MLLT3: variants seen among roughly 807,000 people sequenced by gnomAD.
The protein encoded by MLLT3 is MLLT3 super elongation complex subunit, also known as protein AF-9.
Under a neutral mutation model 53.2 loss-of-function variants are expected in MLLT3, and 4 were observed. The ratio of observed to expected loss-of-function variants is 0.08; its 90% CI spans 0.04 to 0.17. The LOEUF (loss-of-function observed/expected upper bound fraction) is 0.17. Among genes scored for constraint, MLLT3 ranks in the 10% least tolerant of loss-of-function variants. MLLT3 has a pLI of 1.00. For synonymous variants in MLLT3, 283 were observed against 230.6 expected (o/e 1.23, Z -2.06); for missense variants, 569 against 684.0 (o/e 0.83, Z 1.87).
chr9:20,499,075 T>C (rs1329921803), intron 2 of MLLT3, among the ~76,000 whole-genome samples: 1 of 152,202 alleles, frequency 6.6e-6, no homozygotes, highest in Non-Finnish European at 1.5e-5. Flanking sequence ...CTGGCAATCT[T>C]TGAAATGCAT....
chr9:20,449,727 T>C (rs546065468), intron 3 of MLLT3, among the ~76,000 whole-genome samples: 2 of 152,190 alleles, frequency 1.3e-5, no homozygotes, highest in African/African-American at 4.8e-5. Context: ...ATTTCCTCAG[T>C]ACCCCTTCAC....
chr9:20,600,601 T>G (rs553239185), intron 2 of MLLT3, among the ~76,000 whole-genome samples: 2 of 152,354 alleles, frequency 1.3e-5, no homozygotes, highest in East Asian at 3.9e-4. Context: ...GAACCCACCT[T>G]GAAATCCAAC....
chr9:20,354,377 G>A (rs1055476462), intron 9 of MLLT3, among the ~76,000 whole-genome samples: 27 of 152,224 alleles, frequency 1.8e-4, no homozygotes, highest in Admixed American at 1.3e-4. Flanking sequence ...TACAGAGCAA[G>A]GTTAGGGCTC....
chr9:20,603,869 A>C (rs1403754823), intron 2 of MLLT3, among the ~76,000 whole-genome samples: 2 of 152,218 alleles, frequency 1.3e-5, no homozygotes, highest in East Asian at 3.9e-4. Context: ...CTTTCTCTTT[A>C]AAATACTGAA....
intron 2 of MLLT3, among the ~76,000 whole-genome samples, chr9:20,544,832 C>CCCA (rs1267854959): frequency 6.6e-6 from 1 of 152,146 alleles, no homozygotes; most frequent in East Asian, 1.9e-4. Context: ...TGCCTATAAT[C>CCCA]CCACCACTCT....
At position 20,343,083 on chromosome 9, in the gene MLLT3, A is replaced by G. The variant is rs1820775923; in HGVS notation, c.*3360T>C. On this transcript the variant is annotated 3_prime_UTR_variant, in exon 11 of 11. Coordinates refer to ENST00000380338, the MANE Select transcript of MLLT3 (RefSeq NM_004529.4). ...TCTCTCTTAAACAAATATATTAACT[A>G]CATTTGTGGAGCTTGAAGTAGTAAA... 5.6e-6 allele frequency: 1 copy of G among 178,270 alleles called. No homozygotes were observed. The highest frequency in any genetic ancestry group is 1.2e-5 in the Non-Finnish European group (1 of 85,850). 11.0% of individuals were successfully genotyped at this position (178,270 alleles called of 1,614,324 possible). A position where few individuals can be genotyped will look rare whatever the true frequency, so the allele number is the denominator to read the frequency against.
intron 2 of MLLT3, among the ~76,000 whole-genome samples, chr9:20,589,238 T>C (rs940127321): frequency 1.3e-5 from 2 of 151,758 alleles, no homozygotes; most frequent in East Asian, 1.9e-4. Context: ...ATATACACCA[T>C]GGAATACTAT....
intron 2 of MLLT3, among the ~76,000 whole-genome samples, chr9:20,534,529 G>A (rs1818428866): frequency 6.6e-6 from 1 of 152,192 alleles, no homozygotes; most frequent in South Asian, 2.1e-4. Context: ...CTCCTTGGAT[G>A]AACAGAACAC....
chr9:20,608,778 A>G (rs572887343), intron 2 of MLLT3, among the ~76,000 whole-genome samples: 30 of 152,168 alleles, frequency 2.0e-4, no homozygotes, highest in Middle Eastern at 6.8e-3. Context: ...ACATTTAAAT[A>G]CTAGTTTTAC....
chr9:20,467,961 T>C (rs892313512), intron 2 of MLLT3, among the ~76,000 whole-genome samples: 1 of 152,184 alleles, frequency 6.6e-6, no homozygotes, highest in Admixed American at 6.5e-5. Flanking sequence ...GAGGCAGGTA[T>C]GTATAACGTG....
At chr9:20,376,262 G>A (rs572446160) in intron 5 of MLLT3, among the ~76,000 whole-genome samples, 2 of 152,100 alleles carry the variant, frequency 1.3e-5, no homozygotes, top group South Asian at 4.2e-4. Context: ...CTCTCCATTT[G>A]TATTACGACA....
intron 2 of MLLT3, among the ~76,000 whole-genome samples, chr9:20,529,453 T>C (rs1350041569): frequency 6.6e-6 from 1 of 152,100 alleles, no homozygotes; most frequent in Non-Finnish European, 1.5e-5. Flanking sequence ...CAGAGTATGT[T>C]AGCAGAATGT....
intron 2 of MLLT3, among the ~76,000 whole-genome samples, chr9:20,543,030 A>T (rs1818683326): frequency 1.3e-5 from 2 of 151,744 alleles, no homozygotes; most frequent in African/African-American, 4.8e-5. Context: ...CAGTTTCCTC[A>T]CTCCTCTCAG....
intron 2 of MLLT3, among the ~76,000 whole-genome samples, chr9:20,580,493 T>G (rs531310585): frequency 6.6e-6 from 1 of 152,288 alleles, no homozygotes; most frequent in East Asian, 1.9e-4. Context: ...AGACTCTTCA[T>G]AAAACAAGTT....
chr9:20,614,724 C>T (rs1256510262), intron 2 of MLLT3, among the ~76,000 whole-genome samples: 1 of 152,042 alleles, frequency 6.6e-6, no homozygotes, highest in Non-Finnish European at 1.5e-5. Flanking sequence ...CATGTAATTT[C>T]CCAGCTTCTA....
chr9:20,590,460 T>C (rs77209366), intron 2 of MLLT3, among the ~76,000 whole-genome samples: 1 of 152,216 alleles, frequency 6.6e-6, no homozygotes, highest in Admixed American at 6.5e-5. Flanking sequence ...GTTCTCATGA[T>C]AGTGAGTTCT....
At chr9:20,568,080 TAA>T (rs900358459) in intron 2 of MLLT3, among the ~76,000 whole-genome samples, 2 of 152,044 alleles carry the variant, frequency 1.3e-5, no homozygotes, top group African/African-American at 4.8e-5. Flanking sequence ...ATAAATAAAG[TAA>T]AAGAGGGGTG....
At chr9:20,499,735 T>C (rs1825169901) in intron 2 of MLLT3, among the ~76,000 whole-genome samples, 1 of 152,218 alleles carries the variant, frequency 6.6e-6, no homozygotes, top group African/African-American at 2.4e-5. Context: ...AGAAAAAAAC[T>C]TGTATGACTG....
chr9:20,521,047 G>A (rs1290808922), intron 2 of MLLT3, among the ~76,000 whole-genome samples: 6 of 151,372 alleles, frequency 4.0e-5, no homozygotes, highest in African/African-American at 1.5e-4. Flanking sequence ...GAGTTGCACA[G>A]CTAAGCTGTA....
Sources: allele counts gnomAD v4.1 joint callset (sites outside exome capture counted in the v4.1 genomes callset), GRCh38; gene constraint gnomAD v4.1.1; transcripts MANE v1.5; gene names NCBI Gene and HGNC (gene_info 2026-07-23, HGNC 2026-07-21).